TM4SF1: variants seen among roughly 807,000 people sequenced by gnomAD.
TM4SF1 encodes transmembrane 4 L six family member 1.
In TM4SF1, 20 loss-of-function variants were observed where a neutral mutation model predicts 24.5. The observed-to-expected ratio is 0.82, with a 90% CI of 0.57 to 1.19. TM4SF1 has a LOEUF of 1.19. Ranked by LOEUF, TM4SF1 falls within the 50% of genes most tolerant of loss-of-function variation. TM4SF1 has a pLI of 0.00. For synonymous variants in TM4SF1, 107 were observed against 95.4 expected, an observed-to-expected ratio of 1.12 and a Z score of -0.71; for missense variants, 258 against 248.1, an observed-to-expected ratio of 1.04 and a Z score of -0.27.
chr3:149,377,189 T>C (rs1298051567), intron 1 of TM4SF1, among the ~76,000 whole-genome samples, 182 bp downstream of exon 1: 1 of 152,208 alleles, frequency 6.6e-6, no homozygotes, highest in Non-Finnish European at 1.5e-5. Flanking sequence ...CAACATCTCA[T>C]AAAATTACTA....
chr3:149,376,719 T>A (rs1477173556), intron 1 of TM4SF1, among the ~76,000 whole-genome samples: 1 of 152,210 alleles, frequency 6.6e-6, no homozygotes, highest in African/African-American at 2.4e-5. Context: ...ATTCTTTCCA[T>A]GCTGTGGTTG....
chr3:149,371,544 G>A (rs1731820878), intron 4 of TM4SF1, 143 bp downstream of exon 4: 1 of 808,654 alleles, frequency 1.2e-6, no homozygotes, highest in Non-Finnish European at 2.0e-6. Flanking sequence ...TAAAGTGAAT[G>A]CTATAATTGT....
Position 149,369,147 on chromosome 3 carries a change from C to G in TM4SF1, c.*719G>C, listed in dbSNP as rs1731760341. 1 of 152,166 alleles carries G rather than the reference C, an allele frequency of 6.6e-6. No homozygotes were observed. 9.4% of individuals were successfully genotyped at this position (152,166 alleles called of 1,614,324 possible). A position where few individuals can be genotyped will look rare whatever the true frequency, so the allele number is the denominator to read the frequency against. On this transcript the variant is annotated 3_prime_UTR_variant, in exon 5 of 5. Coordinates refer to ENST00000305366, the MANE Select transcript of TM4SF1 (RefSeq NM_014220.3). ...TCAACTGCTTTATTCAGTTTCCCAT[C>G]TTTCTTCTTGCCCAGTCATCGTAGC...
intron 1 of TM4SF1, among the ~76,000 whole-genome samples, chr3:149,376,023 C>T (rs149935355): frequency 1.3e-5 from 2 of 152,250 alleles, no homozygotes; most frequent in East Asian, 3.9e-4. Flanking sequence ...AAATAATAAA[C>T]TGTAAACGTG....
At chr3:149,374,154 A>G (rs146111183) in intron 3 of TM4SF1, among the ~76,000 whole-genome samples, 9 of 132,456 alleles carry the variant, frequency 6.8e-5, no homozygotes, top group Non-Finnish European at 9.7e-5. Flanking sequence ...AACATTTTAC[A>G]TATTATTTCA....
chr3:149,376,201 A>G (rs1731948402), intron 1 of TM4SF1, among the ~76,000 whole-genome samples: 1 of 152,250 alleles, frequency 6.6e-6, no homozygotes, highest in Non-Finnish European at 1.5e-5. Context: ...CATGAAAGCT[A>G]TATATAATAA....
In TM4SF1 at chr3:149,371,834, G is replaced by T. The variant is rs778034879; in HGVS notation, c.447C>A (p.Cys149Ter). 6.2e-7 allele frequency: 1 copy of T among 1,614,042 alleles called. No individual in the cohort carries two copies. The highest frequency in any genetic ancestry group is 8.5e-7 in the Non-Finnish European group (1 of 1,180,000). Reference protein sequence around the residue: ...YLLDTSTWSECTEPKHIVEWN... With the variant: ...YLLDTSTWSE ...ATTCCACAATGTGCTTGGGTTCAGT[G>T]CACTCGGACCATGTGGAGGTATCCA... The change falls in exon 4 of 5, where the codon TGC becomes TGA. Residue 149 changes from cysteine (C) to a stop codon, truncating the protein, a stop_gained. Coordinates refer to ENST00000305366, the MANE Select transcript of TM4SF1 (RefSeq NM_014220.3). LOFTEE classifies it high-confidence loss of function.
chr3:149,375,241 G>A (rs1354245844), intron 3 of TM4SF1, among the ~76,000 whole-genome samples: 1 of 152,074 alleles, frequency 6.6e-6, no homozygotes, highest in African/African-American at 2.4e-5. Context: ...AAGAAAAGAA[G>A]CATTTAGAAT....
intron 4 of TM4SF1, 169 bp downstream of exon 4, chr3:149,371,518 G>T: frequency 2.9e-6 from 2 of 687,922 alleles, no homozygotes; most frequent in Non-Finnish European, 5.0e-6. Context: ...ACTCGAGGAA[G>T]CTTGTTACTG....
At position 149,377,413 on chromosome 3, in the gene TM4SF1, G is replaced by A; in HGVS notation, c.135C>T (p.Arg45=). ...TKYASENHLS[R]FVWFFSGIVG... ...CGATGCCAGAAAAGAACCACACGAA[G>A]CGGCTGAGGTGGTTTTCGGAGGCAT... The change falls in exon 1 of 5, where the codon CGC becomes CGT. Residue 45 remains arginine (R), a synonymous_variant. Coordinates refer to ENST00000305366, the MANE Select transcript of TM4SF1 (RefSeq NM_014220.3). The A allele has an allele frequency of 6.2e-7, 1 of 1,614,170 alleles. No individual in the cohort carries two copies. Among genetic ancestry groups the A allele is most frequent in the Non-Finnish European group, 8.5e-7 (1 of 1,180,028 alleles).
At chr3:149,375,151 G>T (rs1731917098) in intron 3 of TM4SF1, among the ~76,000 whole-genome samples, 1 of 152,152 alleles carries the variant, frequency 6.6e-6, no homozygotes, top group African/African-American at 2.4e-5. Flanking sequence ...GCTGCAGTAA[G>T]CTATGATTGT....
At chr3:149,377,208 T>C (rs1426078778) in intron 1 of TM4SF1, among the ~76,000 whole-genome samples, 163 bp downstream of exon 1, 1 of 152,220 alleles carries the variant, frequency 6.6e-6, no homozygotes, top group Non-Finnish European at 1.5e-5. Flanking sequence ...TACGCTATAC[T>C]GTACCAATCT....
intron 4 of TM4SF1, chr3:149,370,299 G>A (rs1259108053): frequency 1.2e-5 from 2 of 165,280 alleles, no homozygotes; most frequent in East Asian, 3.8e-4. Context: ...AGTGTCTTTT[G>A]TCTTATAAAC....
chr3:149,377,549 G>A lies in TM4SF1; in HGVS notation c.-2C>T. ...TCGTGCACACTTCCCATAGCACATGGTGGTCTGCTAGGTTTTCTCCCCCTT... is the reference window on the plus strand; with the variant it reads ...TCGTGCACACTTCCCATAGCACATGATGGTCTGCTAGGTTTTCTCCCCCTT... On this transcript the variant is annotated 5_prime_UTR_variant, in exon 1 of 5. Transcript: ENST00000305366. The A allele has an allele frequency of 6.2e-7, 1 of 1,609,500 alleles. No individual in the cohort carries two copies. The highest frequency in any genetic ancestry group is 8.5e-7 in the Non-Finnish European group (1 of 1,177,500).
At chr3:149,371,599 A>G in intron 4 of TM4SF1, 88 bp downstream of exon 4, 4 of 1,339,302 alleles carry the variant, frequency 3.0e-6, no homozygotes, top group Non-Finnish European at 4.3e-6. Flanking sequence ...TAGGTCGAGC[A>G]TGTTTGGTTT....
rs781335983 is a variant in TM4SF1, at chr3:149,375,761, C to T, written c.186G>A (p.Leu62=). 17 of 1,614,076 alleles carry T rather than the reference C, an allele frequency of 1.1e-5. No homozygotes were observed. The highest frequency in any genetic ancestry group is 3.3e-5 in the Admixed American group (2 of 60,002). The change falls in exon 2 of 5, where the codon CTG becomes CTA. Residue 62 remains leucine, a synonymous_variant. Transcript: ENST00000305366. ...CCAGCCCAATGAAGACAAATGCTGG[C>T]AGGAGCATCTGGTTAGGAAACAAAC... is the stretch of plus-strand genomic sequence containing the variant. ...GIVGGGLLML[L]PAFVFIGLEQ...
intron 3 of TM4SF1, among the ~76,000 whole-genome samples, chr3:149,372,784 C>A (rs905636552): frequency 6.6e-6 from 1 of 152,126 alleles, no homozygotes; most frequent in African/African-American, 2.4e-5. Flanking sequence ...CCACCACGCC[C>A]GGCTGATAGC....
intron 4 of TM4SF1, 131 bp from the exon 5 acceptor site, chr3:149,370,011 T>G: frequency 8.7e-7 from 1 of 1,144,488 alleles, no homozygotes; most frequent in Non-Finnish European, 1.2e-6. Flanking sequence ...AGGCCAACCA[T>G]ACTTAGGGCT....
intron 3 of TM4SF1, among the ~76,000 whole-genome samples, chr3:149,372,670 C>T (rs973027086): frequency 1.3e-5 from 2 of 152,176 alleles, no homozygotes; most frequent in Non-Finnish European, 2.9e-5. Flanking sequence ...GTTGCCCAGG[C>T]TGGAGTGCAA....
Sources: allele counts gnomAD v4.1 joint callset (sites outside exome capture counted in the v4.1 genomes callset), GRCh38; gene constraint gnomAD v4.1.1; transcripts MANE v1.5; gene names NCBI Gene and HGNC (gene_info 2026-07-23, HGNC 2026-07-21).